ACLY: variants seen among roughly 807,000 people sequenced by gnomAD.
ACLY encodes ATP-citrate synthase.
Under a neutral mutation model 133.0 loss-of-function variants are expected in ACLY, and 41 were observed. That is an observed-to-expected ratio of 0.31 (90% CI 0.24 to 0.40). The LOEUF (loss-of-function observed/expected upper bound fraction) is 0.40. Ranked by LOEUF, ACLY falls within the 10% of genes least tolerant of loss-of-function variation. The probability of loss-of-function intolerance (pLI) is 1.00; values close to 1 mark genes in which losing one functional copy is unlikely to be tolerated. For synonymous variants in ACLY, 495 were observed against 549.3 expected (o/e 0.90, Z 1.38); for missense variants, 1,046 against 1,453.8 (o/e 0.72, Z 4.56).
At position 41,909,698 on chromosome 17, in the gene ACLY, AG is replaced by A. The variant is rs2049839519; in HGVS notation, c.347del (p.Ala116ValfsTer45). The A allele has an allele frequency of 3.1e-6, 5 of 1,613,910 alleles. No homozygotes were observed. Among genetic ancestry groups the A allele is most frequent in the Non-Finnish European group, 4.2e-6 (5 of 1,179,886 alleles). ...CATAGATGCAGACATAGAACTCCTC[AG>A]CCTTGCAGGTGAAGAGACAGGACAG... ...LIEPFVPHSQAEEFYVCIYAT... is the reference protein window; with the variant it reads ...LIEPFVPHSQXEEFYVCIYAT... On this transcript the variant is annotated frameshift_variant and splice_region_variant, in exon 5 of 29. Coordinates refer to ENST00000352035, the MANE Select transcript of ACLY (RefSeq NM_001096.3). LOFTEE classifies it high-confidence loss of function.
intron 14 of ACLY, among the ~76,000 whole-genome samples, chr17:41,894,648 C>T (rs1429440787): frequency 6.6e-6 from 1 of 150,786 alleles, no homozygotes; most frequent in Admixed American, 6.6e-5. Flanking sequence ...CTACTATGTA[C>T]CCACAAAAAT....
chr17:41,929,358 T>A (rs2050285577), intron 1 of ACLY, among the ~76,000 whole-genome samples: 2 of 152,076 alleles, frequency 1.3e-5, no homozygotes, highest in Admixed American at 1.3e-4. Flanking sequence ...GTCTCCAAAG[T>A]ACTGGGATTA....
intron 22 of ACLY, among the ~76,000 whole-genome samples, chr17:41,877,212 C>T (rs1319703136): frequency 6.6e-6 from 1 of 151,880 alleles, no homozygotes; most frequent in East Asian, 1.9e-4. Flanking sequence ...ACGATCTTGG[C>T]TCACTGCAAC....
intron 22 of ACLY, among the ~76,000 whole-genome samples, chr17:41,875,820 G>A (rs1470218000): frequency 6.6e-6 from 1 of 152,106 alleles, no homozygotes; most frequent in Non-Finnish European, 1.5e-5. Flanking sequence ...CGCCTGCCTT[G>A]GCCTCCCAAA....
At chr17:41,878,998 A>G (rs2048834669) in intron 20 of ACLY, 74 bp from the exon 21 acceptor site, 4 of 1,559,992 alleles carry the variant, frequency 2.6e-6, no homozygotes, top group Admixed American at 3.4e-5. Flanking sequence ...AAAGTGTGCT[A>G]AACACTTTAC....
intron 2 of ACLY, among the ~76,000 whole-genome samples, chr17:41,913,059 T>C (rs919140744): frequency 1.3e-5 from 2 of 152,176 alleles, no homozygotes; most frequent in Non-Finnish European, 2.9e-5. Context: ...CCTCCATCCC[T>C]TTGTGGTTGA....
chr17:41,901,625 G>T, intron 11 of ACLY, 71 bp downstream of exon 11: 2 of 1,299,926 alleles, frequency 1.5e-6, no homozygotes, highest in Non-Finnish European at 1.1e-6. Context: ...TGATGCTCAG[G>T]AATCAGAAAT....
At chr17:41,909,128 C>T (rs1458819377) in intron 5 of ACLY, 60 bp from the exon 6 acceptor site, 2 of 1,342,370 alleles carry the variant, frequency 1.5e-6, no homozygotes, top group Non-Finnish European at 2.1e-6. Flanking sequence ...GGCAGCACCC[C>T]AGGCGCCCCG....
rs1555625267 is a variant in ACLY, at chr17:41,872,202, G to T, written c.2643-20C>A. 1.9e-6 allele frequency: 3 copies of T among 1,608,082 alleles called. No homozygotes were observed. Among genetic ancestry groups the T allele is most frequent in the Non-Finnish European group, 2.5e-6 (3 of 1,177,378 alleles). On this transcript the variant is annotated intron_variant, in intron 23 of 28. Coordinates refer to ENST00000352035, the MANE Select transcript of ACLY (RefSeq NM_001096.3). ...GGCAACCTGGAGTGGGGGGAACAAAGGCCAGGAGATGGTCGACAAGGCCAT... is the reference window on the plus strand; with the variant it reads ...GGCAACCTGGAGTGGGGGGAACAAATGCCAGGAGATGGTCGACAAGGCCAT...
chr17:41,902,601 G>C (rs905176988), intron 10 of ACLY, among the ~76,000 whole-genome samples: 4 of 152,242 alleles, frequency 2.6e-5, no homozygotes, highest in African/African-American at 9.6e-5. Flanking sequence ...TCTCAAGACA[G>C]AGGCTAGATT....
chr17:41,883,522 AT>A (rs1194709723), intron 19 of ACLY, among the ~76,000 whole-genome samples: 4 of 149,806 alleles, frequency 2.7e-5, no homozygotes, highest in African/African-American at 4.9e-5. Context: ...TATTTAGAAA[AT>A]TTTTTTTAAC....
chr17:41,894,376 C>CAAAAA (rs11351286), intron 14 of ACLY, among the ~76,000 whole-genome samples: 1 of 59,950 alleles, frequency 1.7e-5, no homozygotes, highest in Non-Finnish European at 3.0e-5. Flanking sequence ...GACCCTGTCT[C>CAAAAA]AAAAAAAAAA....
chr17:41,870,735 G>A (rs1317578654), intron 25 of ACLY: 2 of 152,172 alleles, frequency 1.3e-5, no homozygotes, highest in Admixed American at 6.6e-5. Context: ...CTCCCAATCA[G>A]ATATGCCTTG....
chr17:41,924,700 C>T (rs1483795445), intron 1 of ACLY, among the ~76,000 whole-genome samples: 5 of 152,182 alleles, frequency 3.3e-5, no homozygotes, highest in African/African-American at 7.2e-5. Context: ...CTCTCTAACC[C>T]GACAGAGGCT....
chr17:41,912,111 CAAAA>C (rs1338754693), intron 3 of ACLY, among the ~76,000 whole-genome samples: 2 of 68,230 alleles, frequency 2.9e-5, no homozygotes, highest in Non-Finnish European at 3.2e-5. Flanking sequence ...AAGACCCTGT[CAAAA>C]AAAAAAAAAA....
chr17:41,891,288 CAACA>C (rs201668185), intron 16 of ACLY, among the ~76,000 whole-genome samples: 1,960 of 152,280 alleles, frequency 0.013, 26 homozygotes, highest in South Asian at 0.019. Context: ...CTCTGCCGCC[CAACA>C]AACACAAGCC....
chr17:41,897,160 C>T (rs552834695), intron 13 of ACLY, among the ~76,000 whole-genome samples: 1 of 152,198 alleles, frequency 6.6e-6, no homozygotes, highest in African/African-American at 2.4e-5. Context: ...CACAGGTATA[C>T]CAGCCCAGGG....
At chr17:41,908,866 C>T (rs1449453929) in intron 6 of ACLY, 123 bp downstream of exon 6, 2 of 786,632 alleles carry the variant, frequency 2.5e-6, no homozygotes, top group South Asian at 1.5e-5. Context: ...GACCCCTCTG[C>T]TTGTGCACAT....
chr17:41,907,829 C>T (rs1324265051), intron 6 of ACLY, among the ~76,000 whole-genome samples: 2 of 152,214 alleles, frequency 1.3e-5, no homozygotes, highest in African/African-American at 2.4e-5. Context: ...GTTGCCATGG[C>T]AATTTTCAAA....
Sources: allele counts gnomAD v4.1 joint callset (sites outside exome capture counted in the v4.1 genomes callset), GRCh38; gene constraint gnomAD v4.1.1; transcripts MANE v1.5; gene names NCBI Gene and HGNC (gene_info 2026-07-23, HGNC 2026-07-21).